The following UGGT2 variants were observed in gnomAD, a reference collection of about 807,000 sequenced individuals.
UGGT2 encodes the protein UDP-glucose:glycoprotein glucosyltransferase 2.
A neutral mutation model predicts 192.1 loss-of-function variants in UGGT2; 180 were observed. The observed-to-expected ratio is 0.94, with a 90% CI of 0.83 to 1.06. UGGT2 has a LOEUF of 1.06. Among genes scored for constraint, UGGT2 ranks in the 50% least tolerant of loss-of-function variants. The probability of loss-of-function intolerance (pLI) is 0.00; values close to 1 mark genes in which losing one functional copy is unlikely to be tolerated. For synonymous variants in UGGT2, 580 were observed against 591.0 expected (o/e 0.98, Z 0.27); for missense variants, 1,849 against 1,795.7 (o/e 1.03, Z -0.54).
rs199878175 is a variant in UGGT2 at position 95,991,619 on chromosome 13, GATA to G, written c.831-1549_831-1547del. ...TTTGAAAACAAATCAAAATTGCTAT[GATA>G]ATAAAAGTACAATGGCATTTCTTTC... On this transcript the variant is annotated intron_variant, in intron 7 of 38. Coordinates refer to ENST00000376747, the MANE Select transcript of UGGT2 (RefSeq NM_020121.4). 1,605 of 207,042 alleles carry G rather than the reference GATA, an allele frequency of 7.8e-3. 49 individuals carry two copies. The highest frequency in any genetic ancestry group is 0.051 in the Admixed American group (1,007 of 19,606). The allele number at this position is 207,042 out of a possible 1,614,324, so 12.8% of individuals were successfully genotyped here.
chr13:95,906,156 G>A (rs1380759315), intron 20 of UGGT2, among the ~76,000 whole-genome samples: 1 of 152,118 alleles, frequency 6.6e-6, no homozygotes, highest in African/African-American at 2.4e-5. Context: ...ATTTCTGGAT[G>A]AGTTTTTGAA....
intron 33 of UGGT2, chr13:95,856,647 G>C: frequency 4.7e-6 from 2 of 426,406 alleles, no homozygotes; most frequent in Non-Finnish European, 8.9e-6. Flanking sequence ...CATCTGACTT[G>C]AGAAAACTGA....
In UGGT2 at chr13:95,845,331, G is replaced by A. The variant is rs569565170; in HGVS notation, c.4285-8129C>T. On this transcript the variant is annotated intron_variant, in intron 36 of 38. Coordinates refer to ENST00000376747, the MANE Select transcript of UGGT2 (RefSeq NM_020121.4). The stretch of plus-strand genomic sequence containing the variant: ...TAGGCAGAGGGCCCTGCCGCCTTCC[G>A]CAGTGTTTGTGTCCCTGGGTACTTG... Among the ~76,000 whole-genome samples, 9 of 137,092 alleles carry A rather than the reference G, an allele frequency of 6.6e-5. No individual in the cohort carries two copies. The South Asian group carries it at 1.3e-3, about 20-fold the overall frequency. 89.9% of individuals were successfully genotyped at this position (137,092 alleles called of 152,430 possible).
intron 17 of UGGT2, among the ~76,000 whole-genome samples, chr13:95,930,438 T>C (rs567791643): frequency 8.5e-5 from 13 of 152,298 alleles, no homozygotes; most frequent in African/African-American, 3.1e-4. Flanking sequence ...TGTTAAGTTT[T>C]GAACGTGGTG....
chr13:95,807,400 G>A (rs1038962057), intron 38 of UGGT2, among the ~76,000 whole-genome samples: 2 of 152,092 alleles, frequency 1.3e-5, no homozygotes, highest in Admixed American at 1.3e-4. Flanking sequence ...GAAATACCTT[G>A]TAATTTCTGT....
chr13:95,801,803 T>C lies in UGGT2; in HGVS notation c.4538A>G (p.His1513Arg), dbSNP rs1469413964. The change falls in exon 39 of 39, where the codon CAT becomes CGT. Residue 1513 changes from histidine (H) to arginine (R), a missense_variant. Transcript: ENST00000376747. ...ENKKQDTILTHDEL is the reference protein window; with the variant it reads ...ENKKQDTILTRDEL ...TATACACCAGTGCTAGAGTTCATCATGTGTCAAAACTATAAGGGAGAAAAG... is the reference window on the plus strand; with the variant it reads ...TATACACCAGTGCTAGAGTTCATCACGTGTCAAAACTATAAGGGAGAAAAG... The C allele has an allele frequency of 4.3e-6, 7 of 1,613,936 alleles. No homozygotes were observed. Among genetic ancestry groups the C allele is most frequent in the Middle Eastern group, 3.3e-4 (2 of 6,058 alleles).
intron 12 of UGGT2, among the ~76,000 whole-genome samples, chr13:95,959,503 C>T (rs1264238880): frequency 6.6e-6 from 1 of 152,138 alleles, no homozygotes; most frequent in African/African-American, 2.4e-5. Flanking sequence ...TCTATCACCC[C>T]CAGTACCTAA....
intron 20 of UGGT2, among the ~76,000 whole-genome samples, chr13:95,921,349 G>GGA (rs1555356099): frequency 7.4e-6 from 1 of 134,838 alleles, no homozygotes; most frequent in Non-Finnish European, 1.6e-5. Context: ...TCTTAAAGTT[G>GGA]AAAAAAAAAA....
chr13:95,860,822 C>T lies in UGGT2; in HGVS notation c.3706G>A (p.Val1236Ile). The change falls in exon 32 of 39, where the codon GTT becomes ATT. Residue 1236 changes from valine to isoleucine, a missense_variant. Coordinates refer to ENST00000376747, the MANE Select transcript of UGGT2 (RefSeq NM_020121.4). ...CGTTCATATAAATGACCAGAAGCAA[C>T]TGAAAAAATGTTTAGGACATCTTTT... ...KEKDVLNIFSVASGHLYERFL... is the reference protein window; with the variant it reads ...KEKDVLNIFSIASGHLYERFL... The T allele has an allele frequency of 6.4e-7, 1 of 1,558,954 alleles. No homozygotes were observed. The highest frequency in any genetic ancestry group is 1.4e-5 in the African/African-American group (1 of 72,768).
intron 15 of UGGT2, among the ~76,000 whole-genome samples, chr13:95,946,580 A>T (rs544982986): frequency 6.6e-6 from 1 of 151,868 alleles, no homozygotes; most frequent in Admixed American, 6.6e-5. Flanking sequence ...TGTGTTGCCT[A>T]TGCTGGTCTC....
intron 10 of UGGT2, among the ~76,000 whole-genome samples, chr13:95,975,504 C>T (rs2050908815): frequency 6.6e-6 from 1 of 152,050 alleles, no homozygotes; most frequent in Non-Finnish European, 1.5e-5. Context: ...ATTTATAGTC[C>T]AAAAAACTTA....
chr13:95,986,573 TAA>T (rs1159229402), intron 8 of UGGT2, 141 bp from the exon 9 acceptor site: 2 of 514,454 alleles, frequency 3.9e-6, no homozygotes, highest in Admixed American at 4.1e-5. Context: ...TCTGCATTTT[TAA>T]AAAGTTTTAA....
chr13:95,977,477 A>G (rs757934667), intron 10 of UGGT2, among the ~76,000 whole-genome samples: 3 of 152,258 alleles, frequency 2.0e-5, no homozygotes, highest in Non-Finnish European at 4.4e-5. Context: ...AGAAATGCAA[A>G]TCAAAACCAC....
chr13:95,992,487 C>G (rs1051336118), intron 7 of UGGT2, among the ~76,000 whole-genome samples: 2 of 152,158 alleles, frequency 1.3e-5, no homozygotes, highest in Non-Finnish European at 2.9e-5. Context: ...TGGCTCTCAG[C>G]TTGAACATTA....
intron 1 of UGGT2, among the ~76,000 whole-genome samples, chr13:96,049,667 C>T (rs557610991): frequency 2.0e-5 from 3 of 152,298 alleles, no homozygotes; most frequent in African/African-American, 7.2e-5. Flanking sequence ...AAATCACAAG[C>T]ATTGCTCTAT....
At chr13:95,950,321 A>G (rs1469088160) in intron 12 of UGGT2, among the ~76,000 whole-genome samples, 1 of 152,184 alleles carries the variant, frequency 6.6e-6, no homozygotes, top group Non-Finnish European at 1.5e-5. Flanking sequence ...GAGAAGACAG[A>G]GACCAAAGTC....
intron 27 of UGGT2, among the ~76,000 whole-genome samples, chr13:95,878,907 T>C (rs1259142123): frequency 6.6e-6 from 1 of 152,174 alleles, no homozygotes; most frequent in African/African-American, 2.4e-5. Context: ...GAAGACAGTA[T>C]TTATTTAAAA....
intron 10 of UGGT2, among the ~76,000 whole-genome samples, chr13:95,977,023 T>A (rs1272215311): frequency 1.3e-5 from 2 of 152,160 alleles, no homozygotes; most frequent in African/African-American, 4.8e-5. Flanking sequence ...CTGGACCCCT[T>A]CCTTACACCT....
chr13:95,962,124 T>C (rs899358102), intron 12 of UGGT2, among the ~76,000 whole-genome samples: 1 of 151,724 alleles, frequency 6.6e-6, no homozygotes, highest in Admixed American at 6.6e-5. Context: ...AGCTCTTATA[T>C]CAAAAAGGAG....
Sources: gnomAD v4.1 joint callset for allele counts (sites outside exome capture counted in the v4.1 genomes callset) on GRCh38, gnomAD v4.1.1 for gene constraint, MANE v1.5 for transcripts, NCBI Gene and HGNC (gene_info 2026-07-23, HGNC 2026-07-21) for gene names.